The following CDH12 variants were observed in gnomAD, a reference collection of about 807,000 sequenced individuals.
The protein encoded by CDH12 is cadherin-12.
In CDH12, 41 loss-of-function variants were observed where a neutral mutation model predicts 74.1. The ratio of observed to expected loss-of-function variants is 0.55; its 90% confidence interval spans 0.43 to 0.72. The LOEUF is 0.72. CDH12 is among the 30% of genes least tolerant of loss of function. CDH12 has a pLI of 0.00. For synonymous variants in CDH12, 399 were observed against 355.0 expected (o/e 1.12, Z -1.39); for missense variants, 945 against 977.2 (o/e 0.97, Z 0.44).
At chr5:22,415,962 C>T (rs1300407828) in intron 2 of CDH12, among the ~76,000 whole-genome samples, 4 of 150,270 alleles carry the variant, frequency 2.7e-5, no homozygotes, top group South Asian at 2.1e-4. Context: ...AGTAGATTTG[C>T]TAAATGGTGA....
intron 3 of CDH12, among the ~76,000 whole-genome samples, chr5:22,358,023 C>T (rs1255815318): frequency 6.6e-6 from 1 of 152,174 alleles, no homozygotes; most frequent in Non-Finnish European, 1.5e-5. Context: ...CACATCCTCT[C>T]CTGCTAAAGT....
chr5:22,690,098 T>G (rs1742004881), intron 1 of CDH12, among the ~76,000 whole-genome samples: 1 of 152,124 alleles, frequency 6.6e-6, no homozygotes, highest in South Asian at 2.1e-4. Context: ...TGAATTTTTT[T>G]CCTTGTTTCA....
chr5:21,846,749 G>A (rs1469584335), intron 7 of CDH12, among the ~76,000 whole-genome samples: 1 of 151,950 alleles, frequency 6.6e-6, no homozygotes, highest in Non-Finnish European at 1.5e-5. Flanking sequence ...AAAAGTTATT[G>A]TCTGTTTTCA....
intron 5 of CDH12, among the ~76,000 whole-genome samples, chr5:22,020,696 A>G (rs28539542): frequency 0.076 from 11,532 of 152,172 alleles, 1,463 homozygotes; most frequent in African/African-American, 0.26. Flanking sequence ...GAGAGAAAGA[A>G]AAACCTCTCT....
intron 3 of CDH12, among the ~76,000 whole-genome samples, chr5:22,386,654 A>C (rs1742014496): frequency 6.6e-6 from 1 of 152,088 alleles, no homozygotes; most frequent in South Asian, 2.1e-4. Context: ...AAAAATCATT[A>C]TTTAAATGTG....
chr5:22,542,143 C>A (rs1486533406), intron 1 of CDH12, among the ~76,000 whole-genome samples: 1 of 152,130 alleles, frequency 6.6e-6, no homozygotes, highest in African/African-American at 2.4e-5. Context: ...TCAATGTTGA[C>A]AACTGCAATG....
intron 2 of CDH12, among the ~76,000 whole-genome samples, chr5:22,424,406 C>A (rs1238809859): frequency 6.6e-6 from 1 of 152,156 alleles, no homozygotes; most frequent in African/African-American, 2.4e-5. Context: ...GAGGTGAGAG[C>A]TATATGGCCC....
At chr5:22,520,995 T>C (rs989834900) in intron 1 of CDH12, among the ~76,000 whole-genome samples, 8 of 151,854 alleles carry the variant, frequency 5.3e-5, no homozygotes, top group African/African-American at 7.2e-5. Flanking sequence ...TTCTTTCTTT[T>C]TTTTTTTGTC....
chr5:22,105,819 C>A (rs1243822502), intron 4 of CDH12, among the ~76,000 whole-genome samples: 2 of 152,076 alleles, frequency 1.3e-5, no homozygotes, highest in Non-Finnish European at 2.9e-5. Context: ...TCTACAAAGA[C>A]CCTATTTTTA....
intron 5 of CDH12, among the ~76,000 whole-genome samples, chr5:22,005,425 T>C (rs1442896359): frequency 6.6e-6 from 1 of 152,202 alleles, no homozygotes; most frequent in African/African-American, 2.4e-5. Context: ...TTATGAATAG[T>C]GCTGCAATAA....
intron 9 of CDH12, among the ~76,000 whole-genome samples, chr5:21,807,610 C>T (rs1168225583): frequency 6.6e-6 from 1 of 152,038 alleles, no homozygotes; most frequent in Non-Finnish European, 1.5e-5. Flanking sequence ...TGGGCTCTTC[C>T]AGGGCTCCTC....
Position 21,802,594 on chromosome 5 carries a change from T to TTTTC in CDH12, c.1003-175_1003-174insGAAA, listed in dbSNP as rs1419419335. Among the ~76,000 whole-genome samples, 129 of 17,798 alleles carry TTTTC rather than the reference T, an allele frequency of 7.2e-3. 3 individuals are homozygous for TTTTC. Among genetic ancestry groups the TTTTC allele is most frequent in the Admixed American group, 0.045 (83 of 1,844 alleles). The allele number at this position is 17,798 out of a possible 152,430, so 11.7% of individuals were successfully genotyped here. A position where few individuals can be genotyped will look rare whatever the true frequency, so the allele number is the denominator to read the frequency against. Reference sequence around the variant, plus strand: ...GCACAAGGCAAACCATTTTTTTTTCTTTTTTTTTTTTTTTTGAGACAGAGT... The same window carrying TTTTC: ...GCACAAGGCAAACCATTTTTTTTTCTTTTCTTTTTTTTTTTTTTTGAGACAGAGT... On this transcript the variant is annotated intron_variant, in intron 9 of 14. Coordinates refer to ENST00000382254, the MANE Select transcript of CDH12 (RefSeq NM_004061.5).
At chr5:22,373,094 C>T (rs1461857332) in intron 3 of CDH12, among the ~76,000 whole-genome samples, 1 of 152,116 alleles carries the variant, frequency 6.6e-6, no homozygotes, top group Non-Finnish European at 1.5e-5. Flanking sequence ...TGCACCATAA[C>T]AAGGGCACCT....
chr5:22,277,323 C>T lies in CDH12; in HGVS notation c.-332-64680G>A, dbSNP rs929452831. Among the ~76,000 whole-genome samples, 8 of 152,218 alleles carry T rather than the reference C, an allele frequency of 5.3e-5. 1 individual carries two copies. In the South Asian group the frequency reaches 8.3e-4, roughly 16 times the overall value. The stretch of plus-strand genomic sequence containing the variant: ...AGTGTCTCTGCTGTCACCAACCACT[C>T]GGGGCTAATACAAGACACTTCATCA... On this transcript the variant is annotated intron_variant, in intron 3 of 14. Transcript: ENST00000382254.
intron 3 of CDH12, among the ~76,000 whole-genome samples, chr5:22,353,930 A>G (rs1206629153): frequency 6.6e-6 from 1 of 152,186 alleles, no homozygotes; most frequent in South Asian, 2.1e-4. Context: ...ACAGGAATAA[A>G]CACAAATATG....
intron 5 of CDH12, among the ~76,000 whole-genome samples, chr5:22,023,508 T>TTG (rs748420324): frequency 5.3e-5 from 8 of 151,716 alleles, no homozygotes; most frequent in South Asian, 4.2e-4. Flanking sequence ...TTATCTATAT[T>TTG]TGTGTGTGTG....
intron 1 of CDH12, among the ~76,000 whole-genome samples, chr5:22,771,479 TGAGAAAACTGATAAAGGATGGG>T (rs1393712370): frequency 3.5e-4 from 53 of 152,072 alleles, no homozygotes; most frequent in Non-Finnish European, 2.9e-4. Flanking sequence ...ATTTTACAGA[TGAGAAAACTGATAAAGGATGGG>T]GATAAACATC....
intron 4 of CDH12, chr5:22,143,527 C>A (rs1287416980): frequency 1.3e-5 from 2 of 151,902 alleles, no homozygotes; most frequent in Admixed American, 1.3e-4. Flanking sequence ...CACCACCATG[C>A]CTGGCTAGTT....
intron 12 of CDH12, among the ~76,000 whole-genome samples, chr5:21,761,476 G>C (rs571781579): frequency 6.6e-6 from 1 of 152,250 alleles, no homozygotes; most frequent in African/African-American, 2.4e-5. Flanking sequence ...TGTTATGTGA[G>C]AGATGACAAG....
Sources: gnomAD v4.1 joint callset for allele counts (sites outside exome capture counted in the v4.1 genomes callset) on GRCh38, gnomAD v4.1.1 for gene constraint, MANE v1.5 for transcripts, NCBI Gene and HGNC (gene_info 2026-07-23, HGNC 2026-07-21) for gene names.